Variants in CLDN16 observed in about 807,000 individuals in gnomAD.
CLDN16 encodes claudin 16.
In CLDN16, 13 loss-of-function variants were observed where a neutral mutation model predicts 24.6. The observed-to-expected ratio is 0.53, with a 90% CI of 0.34 to 0.84. The LOEUF (loss-of-function observed/expected upper bound fraction) is 0.84, where lower values mean the gene tolerates loss of function less well. CLDN16 is among the 40% of genes least tolerant of loss of function. The pLI is 0.01. For missense variants in CLDN16, 298 were observed against 292.7 expected (o/e 1.02, Z -0.13); for synonymous variants, 116 against 106.7 (o/e 1.09, Z -0.54).
chr3:190,294,462 A>G, the CLDN16 span, among the ~76,000 whole-genome samples: 1 of 152,268 alleles, frequency 6.6e-6, no homozygotes, highest in Admixed American at 6.5e-5. Context: ...TTGAATGTAA[A>G]TTAATTTAAT....
chr3:190,322,533 G>C (rs1344142178), upstream of CLDN16: 2 of 322,586 alleles, frequency 6.2e-6, no homozygotes, highest in Admixed American at 4.9e-5. Flanking sequence ...GTTTCAGGGC[G>C]GCTCACCGAG....
intron 1 of CLDN16, among the ~76,000 whole-genome samples, chr3:190,366,679 G>A (rs187876150): frequency 5.9e-5 from 9 of 152,118 alleles, no homozygotes; most frequent in Non-Finnish European, 1.5e-5. Context: ...ACCCTTCAGA[G>A]TTGACCCAAA....
At chr3:190,366,070 A>T (rs1038348987) in intron 1 of CLDN16, among the ~76,000 whole-genome samples, 1 of 151,914 alleles carries the variant, frequency 6.6e-6, no homozygotes, top group Non-Finnish European at 1.5e-5. Flanking sequence ...AAGTTTAAAG[A>T]TCCTACTTCT....
Position 190,410,146 on chromosome 3 carries a change from A to T in CLDN16, c.*110A>T. The stretch of plus-strand genomic sequence containing the variant: ...GTTATTTAGAATTCATATTGAATTA[A>T]ATTAATTGCTAGCTTAATCAAAATG... On this transcript the variant is annotated 3_prime_UTR_variant, in exon 5 of 5. Coordinates refer to ENST00000264734, the MANE Select transcript of CLDN16 (RefSeq NM_006580.4). 2 of 1,224,022 alleles carry T rather than the reference A, an allele frequency of 1.6e-6. No individual in the cohort carries two copies. Among genetic ancestry groups the T allele is most frequent in the Non-Finnish European group, 2.4e-6 (2 of 832,182 alleles). 75.8% of individuals were successfully genotyped at this position (1,224,022 alleles called of 1,614,324 possible). A position where few individuals can be genotyped will look rare whatever the true frequency, so the allele number is the denominator to read the frequency against.
At chr3:190,362,869 T>A (rs1009835444) in intron 1 of CLDN16, among the ~76,000 whole-genome samples, 3 of 151,990 alleles carry the variant, frequency 2.0e-5, no homozygotes, top group African/African-American at 4.8e-5. Flanking sequence ...TTGTTGACTT[T>A]ATTTTTCCTT....
chr3:190,325,631 GC>G (rs1165405583), intron 1 of CLDN16, among the ~76,000 whole-genome samples: 1 of 152,172 alleles, frequency 6.6e-6, no homozygotes, highest in Non-Finnish European at 1.5e-5. Context: ...AAAGACAGAA[GC>G]AAAGGTAAGA....
chr3:190,292,033 T>C, the CLDN16 span, among the ~76,000 whole-genome samples: 1 of 152,180 alleles, frequency 6.6e-6, no homozygotes, highest in South Asian at 2.1e-4. Context: ...TCCAACATTC[T>C]GGGGTCTGAA....
At chr3:190,321,249 C>G (rs1577393123), upstream of CLDN16, among the ~76,000 whole-genome samples, 1 of 152,092 alleles carries the variant, frequency 6.6e-6, no homozygotes, top group Non-Finnish European at 1.5e-5. Flanking sequence ...TATTTAGAAC[C>G]TTTCTTGTCA....
At chr3:190,349,875 G>A (rs1008821756) in intron 1 of CLDN16, among the ~76,000 whole-genome samples, 1 of 152,146 alleles carries the variant, frequency 6.6e-6, no homozygotes, top group Non-Finnish European at 1.5e-5. Context: ...CAAACTGCAG[G>A]TATATAAGTG....
chr3:190,303,024 A>G, the CLDN16 span, among the ~76,000 whole-genome samples: 489 of 152,042 alleles, frequency 3.2e-3, 1 homozygote, highest in African/African-American at 0.011. Flanking sequence ...TATGACTATT[A>G]TAATATTTAA....
chr3:190,322,810 A>T (rs1372824776), intron 1 of CLDN16: 1 of 154,214 alleles, frequency 6.5e-6, no homozygotes, highest in African/African-American at 2.4e-5. Context: ...TATCTTATTA[A>T]AAGGCATTTC....
chr3:190,357,665 G>A (rs1717804249), intron 1 of CLDN16, among the ~76,000 whole-genome samples: 1 of 151,934 alleles, frequency 6.6e-6, no homozygotes, highest in African/African-American at 2.4e-5. Context: ...CACTTGGTAT[G>A]TTGACTGTGT....
At chr3:190,310,152 C>A in the CLDN16 span, 1 of 1,601,460 alleles carries the variant, frequency 6.2e-7, no homozygotes, top group Non-Finnish European at 8.6e-7. Context: ...AACTATTTTA[C>A]GCCTGAATAG....
the CLDN16 span, chr3:190,312,792 A>G: frequency 6.6e-7 from 1 of 1,513,090 alleles, no homozygotes; most frequent in East Asian, 2.3e-5. Context: ...GAAATCAAGT[A>G]TAATGAATCC....
At chr3:190,311,107 T>G in the CLDN16 span, among the ~76,000 whole-genome samples, 1 of 152,162 alleles carries the variant, frequency 6.6e-6, no homozygotes, top group Non-Finnish European at 1.5e-5. Context: ...CAGAAAACAC[T>G]ATTGCTTTTG....
intron 1 of CLDN16, among the ~76,000 whole-genome samples, chr3:190,348,253 CAAAAA>C (rs35983526): frequency 1.8e-5 from 1 of 56,018 alleles, no homozygotes; most frequent in Non-Finnish European, 3.2e-5. Flanking sequence ...GACTCCGTCT[CAAAAA>C]AAAAAAAAAA....
chr3:190,366,309 T>C (rs1013481919), intron 1 of CLDN16, among the ~76,000 whole-genome samples: 2 of 152,048 alleles, frequency 1.3e-5, no homozygotes, highest in African/African-American at 4.8e-5. Flanking sequence ...GCCAAGTTCA[T>C]CACCAGTGAA....
At chr3:190,305,132 C>T in the CLDN16 span, among the ~76,000 whole-genome samples, 1 of 152,182 alleles carries the variant, frequency 6.6e-6, no homozygotes, top group Non-Finnish European at 1.5e-5. Flanking sequence ...GATCTTTGCA[C>T]CTCACCCATC....
the CLDN16 span, among the ~76,000 whole-genome samples, chr3:190,310,986 C>CT: frequency 6.6e-6 from 1 of 152,000 alleles, no homozygotes; most frequent in African/African-American, 2.4e-5. Context: ...AGTTAAATAA[C>CT]TTTTTTGTAG....
Sources: allele counts gnomAD v4.1 joint callset (sites outside exome capture counted in the v4.1 genomes callset), GRCh38; gene constraint gnomAD v4.1.1; transcripts MANE v1.5; gene names NCBI Gene and HGNC (gene_info 2026-07-23, HGNC 2026-07-21).